The following ATOSA variants were observed in gnomAD, a reference collection of about 807,000 sequenced individuals.
ATOSA encodes atos homolog A.
At chr15:52,623,056 G>A in the ATOSA span, among the ~76,000 whole-genome samples, 23 of 151,990 alleles carry the variant, frequency 1.5e-4, no homozygotes, top group African/African-American at 5.6e-4. Flanking sequence ...CTACTTGGGA[G>A]GCTGAGGCAG....
the ATOSA span, among the ~76,000 whole-genome samples, chr15:52,592,620 C>T: frequency 6.6e-6 from 1 of 152,070 alleles, no homozygotes; most frequent in African/African-American, 2.4e-5. Context: ...TTGTCTTGGG[C>T]CACACATAAA....
chr15:52,668,510 A>G, the ATOSA span, among the ~76,000 whole-genome samples: 1 of 152,354 alleles, frequency 6.6e-6, no homozygotes, highest in Non-Finnish European at 1.5e-5. Context: ...GACTAAGGAT[A>G]ACCCTAAAGT....
the ATOSA span, among the ~76,000 whole-genome samples, chr15:52,707,455 A>G: frequency 6.6e-6 from 1 of 152,206 alleles, no homozygotes; most frequent in African/African-American, 2.4e-5. Flanking sequence ...CCCGTCAAGA[A>G]CATAAAATGA....
At chr15:52,636,072 A>T in the ATOSA span, among the ~76,000 whole-genome samples, 1 of 147,132 alleles carries the variant, frequency 6.8e-6, no homozygotes, top group Non-Finnish European at 1.5e-5. Context: ...TTAAATTAAA[A>T]TATTAAATTA....
chr15:52,618,949 G>A, the ATOSA span, among the ~76,000 whole-genome samples: 2,666 of 152,224 alleles, frequency 0.018, 81 homozygotes, highest in African/African-American at 0.061. Context: ...ACTGGAGTTT[G>A]CAATCCCTCA....
At chr15:52,622,652 C>T in the ATOSA span, among the ~76,000 whole-genome samples, 12 of 152,052 alleles carry the variant, frequency 7.9e-5, no homozygotes, top group Admixed American at 2.0e-4. Context: ...TTAAGGAGGG[C>T]TTTTTGAAGC....
At chr15:52,609,274 C>A in the ATOSA span, 7 of 1,613,830 alleles carry the variant, frequency 4.3e-6, no homozygotes, top group Non-Finnish European at 5.9e-6. Context: ...TAACAAGGAA[C>A]ATTTTGTGTG....
the ATOSA span, among the ~76,000 whole-genome samples, chr15:52,654,223 C>T: frequency 6.6e-6 from 1 of 152,002 alleles, no homozygotes; most frequent in African/African-American, 2.4e-5. Flanking sequence ...TTAGTCACAA[C>T]ATGTAATTAT....
At chr15:52,662,661 T>C in the ATOSA span, among the ~76,000 whole-genome samples, 1 of 150,946 alleles carries the variant, frequency 6.6e-6, no homozygotes, top group Non-Finnish European at 1.5e-5. Flanking sequence ...TCCCAGCTGC[T>C]CGGGAGGCTG....
the ATOSA span, among the ~76,000 whole-genome samples, chr15:52,626,635 G>A: frequency 2.6e-5 from 4 of 152,050 alleles, no homozygotes; most frequent in Non-Finnish European, 5.9e-5. Context: ...CTTCAGAGAG[G>A]TAAAGTGACT....
At chr15:52,663,820 C>T in the ATOSA span, among the ~76,000 whole-genome samples, 4 of 151,988 alleles carry the variant, frequency 2.6e-5, no homozygotes, top group Non-Finnish European at 5.9e-5. Context: ...GAGATGGGGT[C>T]TCCCTATGTC....
the ATOSA span, among the ~76,000 whole-genome samples, chr15:52,676,878 T>G: frequency 6.6e-6 from 1 of 152,206 alleles, no homozygotes; most frequent in Non-Finnish European, 1.5e-5. Context: ...CCAAAGTGAT[T>G]GATGTAATCT....
At chr15:52,628,561 A>G in the ATOSA span, among the ~76,000 whole-genome samples, 1 of 152,214 alleles carries the variant, frequency 6.6e-6, no homozygotes, top group Admixed American at 6.5e-5. Context: ...ATTTGTTACC[A>G]TAACTATTTA....
At chr15:52,704,752 A>C in the ATOSA span, among the ~76,000 whole-genome samples, 2 of 152,364 alleles carry the variant, frequency 1.3e-5, no homozygotes, top group African/African-American at 4.8e-5. Context: ...AGACATATGA[A>C]AAAATGGTCA....
At chr15:52,654,539 TCTCAATCCCCAATC>T in the ATOSA span, among the ~76,000 whole-genome samples, 2 of 152,152 alleles carry the variant, frequency 1.3e-5, no homozygotes, top group Non-Finnish European at 2.9e-5. Flanking sequence ...GATTCTCAGT[TCTCAATCCCCAATC>T]ACAACAAACC....
the ATOSA span, among the ~76,000 whole-genome samples, chr15:52,648,455 A>C: frequency 9.8e-4 from 149 of 152,154 alleles, no homozygotes; most frequent in African/African-American, 3.5e-3. Flanking sequence ...AAACATTTAT[A>C]TTTTCTTTGT....
the ATOSA span, among the ~76,000 whole-genome samples, chr15:52,639,639 T>C: frequency 3.9e-5 from 6 of 152,382 alleles, no homozygotes; most frequent in South Asian, 1.2e-3. Flanking sequence ...AGACTGCTGG[T>C]AACTGCTTTC....
chr15:52,601,520 C>T, the ATOSA span, among the ~76,000 whole-genome samples: 1 of 139,210 alleles, frequency 7.2e-6, no homozygotes, highest in East Asian at 2.3e-4. Flanking sequence ...ACACTTCCAA[C>T]TTAAAAAGGA....
the ATOSA span, chr15:52,613,595 CTG>C: frequency 9.8e-4 from 1,358 of 1,381,628 alleles, 1 homozygote; most frequent in Non-Finnish European, 1.2e-3. Flanking sequence ...ACAATTATAA[CTG>C]TAATAAAATA....
Sources: allele counts gnomAD v4.1 joint callset (sites outside exome capture counted in the v4.1 genomes callset), GRCh38; gene constraint gnomAD v4.1.1; transcripts MANE v1.5; gene names NCBI Gene and HGNC (gene_info 2026-07-23, HGNC 2026-07-21).